INPP5D: variants seen among roughly 807,000 people sequenced by gnomAD.
INPP5D encodes phosphatidylinositol 3,4,5-trisphosphate 5-phosphatase 1.
A neutral mutation model predicts 122.9 loss-of-function variants in INPP5D; 33 were observed. The ratio of observed to expected loss-of-function variants is 0.27; its 90% CI spans 0.20 to 0.36. The LOEUF (loss-of-function observed/expected upper bound fraction) is 0.36. Among genes scored for constraint, INPP5D ranks in the 10% least tolerant of loss-of-function variants. The probability of loss-of-function intolerance (pLI) is 1.00; values close to 1 mark genes in which losing one functional copy is unlikely to be tolerated. For missense variants in INPP5D, 1,053 were observed against 1,412.7 expected (o/e 0.75, Z 4.08); for synonymous variants, 584 against 576.2 (o/e 1.01, Z -0.19).
At chr2:233,089,080 G>A (rs1281717419) in intron 2 of INPP5D, among the ~76,000 whole-genome samples, 2 of 152,132 alleles carry the variant, frequency 1.3e-5, no homozygotes, top group Non-Finnish European at 2.9e-5. Context: ...CTGGGCATAC[G>A]TCACTGCTGC....
intron 2 of INPP5D, among the ~76,000 whole-genome samples, chr2:233,094,095 TC>T (rs375147718): frequency 8.3e-5 from 12 of 143,870 alleles, no homozygotes; most frequent in South Asian, 4.3e-4. Flanking sequence ...ATACACCCCC[TC>T]CCCCCCCAAA....
Position 233,170,995 on chromosome 2 carries a change from G to A in INPP5D, c.1901-69G>A. On this transcript the variant is annotated intron_variant, in intron 16 of 26. Coordinates refer to ENST00000445964, the MANE Select transcript of INPP5D (RefSeq NM_001017915.3). The surrounding 1 kb of genome is among the most constrained non-coding windows in gnomAD (Gnocchi z 4.5). ...CCTTTCCCCTGATTTCCTACCAGAA[G>A]AATAGGGAAAATTGGCCAGATGCAA... is the stretch of plus-strand genomic sequence containing the variant. 1 of 1,577,206 alleles carries A rather than the reference G, an allele frequency of 6.3e-7. No homozygotes were observed. Among genetic ancestry groups the A allele is most frequent in the Non-Finnish European group, 8.6e-7 (1 of 1,160,664 alleles).
chr2:233,094,085 A>AT (rs1248486474), intron 2 of INPP5D, among the ~76,000 whole-genome samples: 2 of 151,724 alleles, frequency 1.3e-5, no homozygotes, highest in Non-Finnish European at 2.9e-5. Context: ...AGCACTTAGA[A>AT]TACACCCCCT....
chr2:233,181,017 C>T (rs867883397), intron 18 of INPP5D, among the ~76,000 whole-genome samples: 12 of 152,226 alleles, frequency 7.9e-5, no homozygotes, highest in Non-Finnish European at 7.3e-5. Context: ...CTTCCTCCCT[C>T]CTGTCTCAGA....
At chr2:233,179,358 C>T (rs1443852204) in intron 18 of INPP5D, among the ~76,000 whole-genome samples, 2 of 152,260 alleles carry the variant, frequency 1.3e-5, no homozygotes, top group African/African-American at 4.8e-5. Context: ...TGCATCCTGC[C>T]AATTCTTGTC....
At chr2:233,184,377 GGAACT>G in intron 19 of INPP5D, 26 bp from the exon 20 acceptor site, 1 of 1,611,628 alleles carries the variant, frequency 6.2e-7, no homozygotes, top group Middle Eastern at 1.7e-4. Context: ...GGCACATTGT[GGAACT>G]GAATCCGTGT....
At chr2:233,165,507 T>C (rs1430576899) in intron 13 of INPP5D, among the ~76,000 whole-genome samples, 1 of 151,790 alleles carries the variant, frequency 6.6e-6, no homozygotes, top group Non-Finnish European at 1.5e-5. Context: ...TCTATGTATG[T>C]GAGTCCGTGT....
At chr2:233,085,521 A>G (rs1691808071) in intron 2 of INPP5D, among the ~76,000 whole-genome samples, 1 of 151,726 alleles carries the variant, frequency 6.6e-6, no homozygotes, top group Non-Finnish European at 1.5e-5. Context: ...ATTCTTTTCC[A>G]GTGTTGTCAT....
At chr2:233,142,711 TC>T (rs1179670510) in intron 6 of INPP5D, among the ~76,000 whole-genome samples, 6 of 152,040 alleles carry the variant, frequency 3.9e-5, no homozygotes, top group African/African-American at 1.4e-4. Context: ...GGCGCCCACT[TC>T]CTTTTTTTTT....
chr2:233,125,892 A>G lies in INPP5D; in HGVS notation c.497A>G (p.Gln166Arg). The change falls in exon 4 of 27, where the codon CAG becomes CGG. Residue 166 changes from glutamine (Q) to arginine (R), a missense_variant. Physicochemically the swap from Gln to Arg is conservative, Grantham distance 43. Transcript: ENST00000445964. ...CCGAGCCTCTCCGAGACATTGTTCC[A>G]GCGACTGCAAAGCATGGACACCAGT... ...SRPSLSETLFQRLQSMDTSGL... is the reference protein window; with the variant it reads ...SRPSLSETLFRRLQSMDTSGL... 1 of 1,613,584 alleles carries G rather than the reference A, an allele frequency of 6.2e-7. No homozygotes were observed. Among genetic ancestry groups the G allele is most frequent in the Non-Finnish European group, 8.5e-7 (1 of 1,179,768 alleles).
intron 2 of INPP5D, among the ~76,000 whole-genome samples, chr2:233,109,279 C>T (rs568614522): frequency 6.6e-6 from 1 of 152,218 alleles, no homozygotes; most frequent in Non-Finnish European, 1.5e-5. Context: ...TCCCACAGCA[C>T]ACGCTTCAGC....
chr2:233,170,175 C>A lies in INPP5D; in HGVS notation c.1791+11C>A, dbSNP rs368312552. Reference sequence around the variant, plus strand: ...GATCTGCCTACCTGGGTAAGGGCTGCCCGCCTGGGGCTGGGGCTGGGGCTG... The same window carrying A: ...GATCTGCCTACCTGGGTAAGGGCTGACCGCCTGGGGCTGGGGCTGGGGCTG... On this transcript the variant is annotated intron_variant, in intron 15 of 26. Coordinates refer to ENST00000445964, the MANE Select transcript of INPP5D (RefSeq NM_001017915.3). This position sits in a 1 kb window ranked among gnomAD's most constrained non-coding sequence, Gnocchi z 4.5. The A allele has an allele frequency of 1.2e-6, 2 of 1,612,192 alleles. No individual in the cohort carries two copies. Among genetic ancestry groups the A allele is most frequent in the Admixed American group, 1.7e-5 (1 of 59,688 alleles).
rs763790732 is a variant in INPP5D, at chr2:233,161,851, C to T, written c.1240+25C>T. 7 of 1,601,420 alleles carry T rather than the reference C, an allele frequency of 4.4e-6. No homozygotes were observed. The East Asian group carries it at 1.6e-4, about 36-fold the overall frequency. ...GGTGGGTCCGCGCGCCCCCTCCCTG[C>T]AGTCACCCCCTCTGCTTCTGCTTTC... On this transcript the variant is annotated intron_variant, in intron 11 of 26. Coordinates refer to ENST00000445964, the MANE Select transcript of INPP5D (RefSeq NM_001017915.3).
chr2:233,175,772 T>A (rs1694608284), intron 17 of INPP5D, among the ~76,000 whole-genome samples: 1 of 151,636 alleles, frequency 6.6e-6, no homozygotes, highest in African/African-American at 2.4e-5. Flanking sequence ...AACCTCCACC[T>A]TCTGGGTTCA....
At chr2:233,146,598 T>G (rs551369788) in intron 8 of INPP5D, among the ~76,000 whole-genome samples, 160 bp downstream of exon 8, 1 of 152,352 alleles carries the variant, frequency 6.6e-6, no homozygotes, top group East Asian at 1.9e-4. Context: ...GTCGCTGTGA[T>G]GGCGGTTCAA....
chr2:233,116,610 T>C (rs1209918882), intron 2 of INPP5D, among the ~76,000 whole-genome samples: 3 of 147,560 alleles, frequency 2.0e-5, no homozygotes, highest in African/African-American at 7.6e-5. Flanking sequence ...TTTTTTTTTT[T>C]CTTTGAGACA....
intron 2 of INPP5D, among the ~76,000 whole-genome samples, chr2:233,106,332 C>T (rs1279985657): frequency 6.6e-6 from 1 of 152,214 alleles, no homozygotes. Flanking sequence ...CATCCTCATT[C>T]CTGGGCCAGG....
rs537138236 is a variant in INPP5D, at chr2:233,079,820, C to A, written c.198+422C>A. Among the ~76,000 whole-genome samples the A allele has an allele frequency of 2.8e-4, 42 of 152,346 alleles. 1 individual carries two copies. Among genetic ancestry groups the A allele is most frequent in the African/African-American group, 9.1e-4 (38 of 41,578 alleles). ...TTTCTGAGGGGCTGCGAGACTAGCA[C>A]AAAACAGTGCCTTTCCATTTGTAGA... On this transcript the variant is annotated intron_variant, in intron 2 of 26. Coordinates refer to ENST00000445964, the MANE Select transcript of INPP5D (RefSeq NM_001017915.3).
chr2:233,171,620 C>T (rs1359658923), intron 17 of INPP5D, among the ~76,000 whole-genome samples: 1 of 152,164 alleles, frequency 6.6e-6, no homozygotes, highest in African/African-American at 2.4e-5. Context: ...TCTTATGAGG[C>T]CACTTGTTTT....
Sources: allele counts gnomAD v4.1 joint callset (sites outside exome capture counted in the v4.1 genomes callset), GRCh38; gene constraint gnomAD v4.1.1; non-coding constraint Gnocchi (gnomAD v3.1); transcripts MANE v1.5; gene names NCBI Gene and HGNC (gene_info 2026-07-23, HGNC 2026-07-21).